The following CDH3 variants were observed in gnomAD, a reference collection of about 807,000 sequenced individuals.
The protein encoded by CDH3 is cadherin 3.
In CDH3, 54 loss-of-function variants were observed where a neutral mutation model predicts 82.0. The ratio of observed to expected loss-of-function variants is 0.66; its 90% CI spans 0.53 to 0.83. CDH3 has a LOEUF of 0.83. Ranked by LOEUF, CDH3 falls within the 40% of genes least tolerant of loss-of-function variation. The pLI, the probability that CDH3 is intolerant of heterozygous loss-of-function variation, is 0.00. For missense variants in CDH3, 1,054 were observed against 1,084.6 expected (o/e 0.97, Z 0.40); for synonymous variants, 446 against 437.9 (o/e 1.02, Z -0.23).
chr16:68,652,587 A>G (rs1960279296), intron 2 of CDH3, among the ~76,000 whole-genome samples: 1 of 152,202 alleles, frequency 6.6e-6, no homozygotes, highest in Non-Finnish European at 1.5e-5. Context: ...TTGAAGAATA[A>G]CAAATGTAGA....
chr16:68,661,122 A>G (rs1391032144), intron 2 of CDH3, among the ~76,000 whole-genome samples: 1 of 152,220 alleles, frequency 6.6e-6, no homozygotes, highest in African/African-American at 2.4e-5. Flanking sequence ...AAATTATGTA[A>G]CTTAAAACTT....
intron 2 of CDH3, 134 bp downstream of exon 2, chr16:68,645,884 C>T (rs780368966): frequency 2.1e-5 from 14 of 680,480 alleles, no homozygotes; most frequent in Non-Finnish European, 3.0e-5. Flanking sequence ...GCAGAACGCG[C>T]CTCGGGGGCT....
Position 68,723,726 on chromosome 16 carries a change from C to T in CDH3, c.*45+1110C>T, listed in dbSNP as rs144742685. 5.0e-3 allele frequency among the ~76,000 whole-genome samples: 762 copies of T among 152,174 alleles called. 8 individuals are homozygous for T. The highest frequency in any genetic ancestry group is 0.017 in the African/African-American group (723 of 41,522). The stretch of plus-strand genomic sequence containing the variant: ...TGGGTGGATCACTTGAGTTTGAGAC[C>T]AGCCTGGCCAACATAGCAAAACCCT... On this transcript the variant is annotated intron_variant, in intron 2 of 2. Transcript: ENST00000569080.
chr16:68,724,941 G>T (rs1343367316), intron 2 of CDH3, among the ~76,000 whole-genome samples: 1 of 152,112 alleles, frequency 6.6e-6, no homozygotes, highest in Non-Finnish European at 1.5e-5. Context: ...GTTGGGGAAG[G>T]GTTTATCTCT....
At chr16:68,715,431 A>AAAAAAAAAAAC (rs1389191219) in intron 1 of CDH3, among the ~76,000 whole-genome samples, 1 of 151,914 alleles carries the variant, frequency 6.6e-6, no homozygotes, top group Non-Finnish European at 1.5e-5. Context: ...TCAAAAAAAA[A>AAAAAAAAAAAC]AGAAAGGATT....
chr16:68,717,004 A>G (rs1416441856), intron 1 of CDH3, among the ~76,000 whole-genome samples: 1 of 151,608 alleles, frequency 6.6e-6, no homozygotes, highest in Non-Finnish European at 1.5e-5. Flanking sequence ...AAGTGCTGGG[A>G]TTATAGGCAT....
intron 1 of CDH3, 83 bp downstream of exon 1, chr16:68,645,507 G>A: frequency 1.3e-6 from 2 of 1,514,280 alleles, no homozygotes; most frequent in South Asian, 2.3e-5. Flanking sequence ...TGGCGTCGGG[G>A]AGAGCGCGGG....
chr16:68,659,613 G>A (rs1960504666), intron 2 of CDH3, among the ~76,000 whole-genome samples: 2 of 151,274 alleles, frequency 1.3e-5, no homozygotes, highest in Admixed American at 6.6e-5. Context: ...GAGCCCGGGA[G>A]GCAGAGGTTG....
chr16:68,683,312 C>A (rs182152357), intron 9 of CDH3, among the ~76,000 whole-genome samples: 3 of 152,158 alleles, frequency 2.0e-5, no homozygotes, highest in Admixed American at 1.3e-4. Flanking sequence ...ATATAACTAA[C>A]CTAACTCATT....
At chr16:68,650,703 G>T (rs1312652253) in intron 2 of CDH3, among the ~76,000 whole-genome samples, 2 of 152,040 alleles carry the variant, frequency 1.3e-5, no homozygotes, top group Non-Finnish European at 2.9e-5. Flanking sequence ...AAACCTTCGG[G>T]GACCAGTTCC....
intron 2 of CDH3, among the ~76,000 whole-genome samples, chr16:68,647,569 A>G (rs559094866): frequency 6.6e-6 from 1 of 152,246 alleles, no homozygotes; most frequent in South Asian, 2.1e-4. Flanking sequence ...ACAACAAAGG[A>G]CGGGTTAATG....
chr16:68,659,379 G>T (rs1469946223), intron 2 of CDH3, among the ~76,000 whole-genome samples: 1 of 152,010 alleles, frequency 6.6e-6, no homozygotes, highest in East Asian at 1.9e-4. Context: ...GACCAGCCTG[G>T]GCAACATGGT....
At chr16:68,658,917 A>G (rs1234003820) in intron 2 of CDH3, among the ~76,000 whole-genome samples, 1 of 152,152 alleles carries the variant, frequency 6.6e-6, no homozygotes, top group African/African-American at 2.4e-5. Context: ...TCCCCAATGT[A>G]TACCATTTTA....
chr16:68,681,156 C>T, intron 8 of CDH3, 60 bp downstream of exon 8: 2 of 1,595,276 alleles, frequency 1.3e-6, no homozygotes, highest in South Asian at 1.1e-5. Flanking sequence ...GTTTGCCTTT[C>T]TCAGGAAACT....
intron 2 of CDH3, chr16:68,650,937 TAAAAA>T (rs377604279): frequency 5.7e-5 from 9 of 158,004 alleles, no homozygotes; most frequent in South Asian, 1.4e-4. Context: ...TTGAACAGGT[TAAAAA>T]AAAAAAAAAA....
At chr16:68,729,588 A>G (rs78175603), downstream of CDH3, among the ~76,000 whole-genome samples, 2,067 of 152,282 alleles carry the variant, frequency 0.014, 46 homozygotes, top group African/African-American at 0.047. Flanking sequence ...AAGGGGCATA[A>G]CAGACAAAAG....
intron 2 of CDH3, chr16:68,651,870 T>TG: frequency 4.2e-6 from 2 of 479,688 alleles, no homozygotes; most frequent in South Asian, 1.7e-5. Context: ...TGCCTCCTTC[T>TG]GGGGGTCATA....
Position 68,699,220 on chromosome 16 carries a change from G to T in CDH3, c.*820G>T, listed in dbSNP as rs955089859. ...ACCCAAGCTTCCTCTCAATGGCAGG[G>T]GATACTCAGGGTCAGCTTCCATGCC... On this transcript the variant is annotated 3_prime_UTR_variant, in exon 16 of 16. Transcript: ENST00000264012. 4 of 152,132 alleles carry T rather than the reference G, an allele frequency of 2.6e-5. No homozygotes were observed. The highest frequency in any genetic ancestry group is 9.7e-5 in the African/African-American group (4 of 41,446). 9.4% of individuals were successfully genotyped at this position (152,132 alleles called of 1,614,324 possible).
chr16:68,666,827 A>G (rs77385132), intron 2 of CDH3, among the ~76,000 whole-genome samples: 2,396 of 152,250 alleles, frequency 0.016, 67 homozygotes, highest in African/African-American at 0.055. Flanking sequence ...TTAAGGCTGT[A>G]GATTAGGCAT....
Sources: gnomAD v4.1 joint callset for allele counts (sites outside exome capture counted in the v4.1 genomes callset) on GRCh38, gnomAD v4.1.1 for gene constraint, MANE v1.5 for transcripts, NCBI Gene and HGNC (gene_info 2026-07-23, HGNC 2026-07-21) for gene names.